FARS2: variants seen among roughly 807,000 people sequenced by gnomAD.
FARS2 encodes phenylalanine--tRNA ligase, mitochondrial.
A neutral mutation model predicts 46.4 loss-of-function variants in FARS2; 40 were observed. The ratio of observed to expected loss-of-function variants is 0.86; its 90% CI spans 0.67 to 1.12. The LOEUF (loss-of-function observed/expected upper bound fraction) is 1.12. Ranked by LOEUF, FARS2 falls within the 50% of genes most tolerant of loss-of-function variation. The pLI is 0.00. For synonymous variants in FARS2, 234 were observed against 214.9 expected (o/e 1.09, Z -0.78); for missense variants, 513 against 567.9 (o/e 0.90, Z 0.98).
intron 4 of FARS2, among the ~76,000 whole-genome samples, chr6:5,432,883 G>C (rs1292074152): frequency 6.6e-6 from 1 of 152,172 alleles, no homozygotes; most frequent in Non-Finnish European, 1.5e-5. Flanking sequence ...GCAGGAGCTT[G>C]TGTTACCTCG....
intron 2 of FARS2, among the ~76,000 whole-genome samples, chr6:5,382,414 T>C (rs1270199275): frequency 3.3e-5 from 5 of 152,262 alleles, no homozygotes; most frequent in Admixed American, 3.3e-4. Flanking sequence ...CTATGTAGAA[T>C]ATGTATCCCT....
intron 1 of FARS2, among the ~76,000 whole-genome samples, chr6:5,312,513 A>C (rs1229625124): frequency 6.6e-6 from 1 of 152,228 alleles, no homozygotes; most frequent in Non-Finnish European, 1.5e-5. Context: ...GAAAAAAGGA[A>C]ATATCAAAAC....
intron 1 of FARS2, among the ~76,000 whole-genome samples, chr6:5,339,634 T>C (rs2127589846): frequency 6.6e-6 from 1 of 152,116 alleles, no homozygotes; most frequent in Non-Finnish European, 1.5e-5. Context: ...GGTGTCTCGC[T>C]ATGTTGCCCA....
upstream of FARS2, among the ~76,000 whole-genome samples, chr6:5,259,403 A>G (rs1263204677): frequency 1.3e-5 from 2 of 152,266 alleles, no homozygotes; most frequent in East Asian, 3.8e-4. Flanking sequence ...GTCATTAAGT[A>G]AAATCATTCT....
rs371977303 is a variant in FARS2 at position 5,648,489 on chromosome 6, C to G, written c.1217+35169C>G. On this transcript the variant is annotated intron_variant, in intron 6 of 6. Transcript: ENST00000274680. ...GGACCCAAAGGGGGCCTCCCTCTCC[C>G]TGCACTGGGGATCCATTCCCTGTAG... Among the ~76,000 whole-genome samples, 112 of 152,346 alleles carry G rather than the reference C, an allele frequency of 7.4e-4. 2 individuals carry two copies. In the South Asian group the frequency reaches 0.022, roughly 30 times the overall value.
At chr6:5,439,076 G>T (rs1763695929) in intron 4 of FARS2, among the ~76,000 whole-genome samples, 1 of 152,106 alleles carries the variant, frequency 6.6e-6, no homozygotes, top group Non-Finnish European at 1.5e-5. Context: ...CTGCTTCCTA[G>T]GGGCAGCGAT....
intron 6 of FARS2, among the ~76,000 whole-genome samples, chr6:5,737,565 G>T (rs977281156): frequency 6.6e-6 from 1 of 152,152 alleles, no homozygotes. Flanking sequence ...AGGGAAGTGA[G>T]CCCCCTCCCT....
chr6:5,317,909 T>C (rs961520635), intron 1 of FARS2, among the ~76,000 whole-genome samples: 4 of 152,100 alleles, frequency 2.6e-5, no homozygotes, highest in African/African-American at 4.8e-5. Context: ...GCTCTTTCTC[T>C]GGAGGGCTTC....
At chr6:5,599,647 G>A (rs1436391540) in intron 5 of FARS2, among the ~76,000 whole-genome samples, 4 of 152,166 alleles carry the variant, frequency 2.6e-5, no homozygotes, top group African/African-American at 7.2e-5. Context: ...GTAATTCAGT[G>A]GTGTTTTTTA....
intron 6 of FARS2, among the ~76,000 whole-genome samples, chr6:5,664,674 C>T (rs1030879543): frequency 4.6e-5 from 7 of 152,202 alleles, no homozygotes; most frequent in Non-Finnish European, 8.8e-5. Context: ...GTCTGTCTCT[C>T]TTAGTAGGAC....
chr6:5,289,020 A>G (rs943005592), intron 1 of FARS2, among the ~76,000 whole-genome samples: 1 of 152,194 alleles, frequency 6.6e-6, no homozygotes, highest in Non-Finnish European at 1.5e-5. Context: ...CATTTACTAC[A>G]CTTTCTTCAC....
chr6:5,569,921 G>T (rs1772543845), intron 5 of FARS2, among the ~76,000 whole-genome samples: 1 of 151,848 alleles, frequency 6.6e-6, no homozygotes, highest in African/African-American at 2.4e-5. Flanking sequence ...AACAGGGGTT[G>T]GGGAGAGAGG....
intron 4 of FARS2, among the ~76,000 whole-genome samples, chr6:5,537,154 T>A (rs1770256396): frequency 6.6e-6 from 1 of 152,184 alleles, no homozygotes; most frequent in South Asian, 2.1e-4. Context: ...CAGTTTCATA[T>A]TCCACACCTG....
intron 6 of FARS2, among the ~76,000 whole-genome samples, chr6:5,667,242 G>A (rs918528039): frequency 1.3e-4 from 20 of 152,258 alleles, no homozygotes; most frequent in African/African-American, 4.6e-4. Context: ...AAATTTGGCT[G>A]GGCACAGTGG....
intron 4 of FARS2, among the ~76,000 whole-genome samples, chr6:5,479,897 C>T (rs928678925): frequency 6.6e-6 from 1 of 152,182 alleles, no homozygotes; most frequent in African/African-American, 2.4e-5. Context: ...CCTGTTCTAG[C>T]ACAACCCTCT....
At chr6:5,745,588 G>A (rs970114564) in intron 6 of FARS2, among the ~76,000 whole-genome samples, 2 of 152,102 alleles carry the variant, frequency 1.3e-5, no homozygotes, top group African/African-American at 4.8e-5. Context: ...ACCCAGGCTG[G>A]AGTGCCACTG....
At chr6:5,674,948 T>C (rs541740679) in intron 6 of FARS2, among the ~76,000 whole-genome samples, 12 of 152,340 alleles carry the variant, frequency 7.9e-5, no homozygotes, top group African/African-American at 2.9e-4. Flanking sequence ...AAGTGGTCAG[T>C]GGCCAGGCTG....
chr6:5,490,998 T>C (rs1767072120), intron 4 of FARS2, among the ~76,000 whole-genome samples: 1 of 152,254 alleles, frequency 6.6e-6, no homozygotes, highest in Admixed American at 6.5e-5. Context: ...TAATGTTTGT[T>C]GTTTTAAGCT....
intron 1 of FARS2, among the ~76,000 whole-genome samples, chr6:5,354,983 T>G (rs1036201577): frequency 3.9e-5 from 6 of 152,200 alleles, no homozygotes; most frequent in African/African-American, 1.2e-4. Context: ...GGGACTGTAT[T>G]TTGAGAACTA....
Sources: allele counts gnomAD v4.1 joint callset (sites outside exome capture counted in the v4.1 genomes callset), GRCh38; gene constraint gnomAD v4.1.1; transcripts MANE v1.5; gene names NCBI Gene and HGNC (gene_info 2026-07-23, HGNC 2026-07-21).